The following DIP2A variants were observed in gnomAD, a reference collection of about 807,000 sequenced individuals.
The protein encoded by DIP2A is disco-interacting protein 2 homolog A.
A neutral mutation model predicts 177.4 loss-of-function variants in DIP2A; 85 were observed. That is an observed-to-expected ratio of 0.48 (90% CI 0.40 to 0.57). The LOEUF (loss-of-function observed/expected upper bound fraction) is 0.57. Among genes scored for constraint, DIP2A ranks in the 20% least tolerant of loss-of-function variants. The pLI is 0.00. For synonymous variants in DIP2A, 886 were observed against 881.8 expected, an observed-to-expected ratio of 1.00 and a Z score of -0.08; for missense variants, 1,791 against 2,100.2, an observed-to-expected ratio of 0.85 and a Z score of 2.88.
At chr21:46,571,300 C>G (rs1356277275), downstream of DIP2A, among the ~76,000 whole-genome samples, 4 of 152,186 alleles carry the variant, frequency 2.6e-5, no homozygotes, top group East Asian at 5.8e-4. Context: ...TTCCACAAAA[C>G]CAGTCGCTGG....
rs758585363 is a variant in DIP2A at position 46,534,098 on chromosome 21, G to A, written c.1524G>A (p.Gly508=). ...WHPLAQDTGT[G]TAYIEYKTSK... is the part of the protein sequence containing the mutation. ...CTCTGGCCCAGGACACAGGGACTGG[G>A]ACTGCCTACATTGAGGTAATGACTG... The change falls in exon 12 of 38, where the codon GGG becomes GGA. Residue 508 remains glycine (G), a synonymous_variant. Coordinates refer to ENST00000417564, the MANE Select transcript of DIP2A (RefSeq NM_015151.4). 1.2e-6 allele frequency: 2 copies of A among 1,613,594 alleles called. No individual in the cohort carries two copies. The highest frequency in any genetic ancestry group is 1.1e-5 in the South Asian group (1 of 91,030).
At position 46,498,634 on chromosome 21, in the gene DIP2A, C is replaced by G. The variant is rs947746346; in HGVS notation, c.456C>G (p.Leu152=). ...DEGSLRRPGR[L]TSTPLQSHSS... is the part of the protein sequence containing the mutation. ...GCTCTTTACGGCGACCCGGGCGACT[C>G]ACCTCCACTCCGCTCCAGAGCCATT... Residue 152 remains leucine, a synonymous_variant, in exon 5 of 38, where the codon CTC becomes CTG. Transcript: ENST00000417564. This position sits in a 1 kb window ranked among gnomAD's most constrained non-coding sequence, Gnocchi z 4.3. 1 of 1,613,430 alleles carries G rather than the reference C, an allele frequency of 6.2e-7. No individual in the cohort carries two copies. Among genetic ancestry groups the G allele is most frequent in the Admixed American group, 1.7e-5 (1 of 60,010 alleles).
rs190412233 is a variant in DIP2A, at chr21:46,547,016, G to A, written c.2496G>A (p.Glu832=). 1.9e-5 allele frequency: 30 copies of A among 1,613,988 alleles called. No homozygotes were observed. Among genetic ancestry groups the A allele is most frequent in the South Asian group, 5.5e-5 (5 of 91,072 alleles). Residue 832 remains glutamate (E), a synonymous_variant, in exon 21 of 38, where the codon GAG becomes GAA. Transcript: ENST00000417564. ...DDVVATALAV[E]PMKFVYRGRI... is the part of the protein sequence containing the mutation. ...TTGTGGCCACCGCACTGGCCGTGGA[G>A]CCCATGAAGTTTGTCTACAGAGGCA...
intron 2 of DIP2A, 121 bp downstream of exon 2, chr21:46,484,949 T>C: frequency 4.6e-6 from 4 of 867,874 alleles, no homozygotes; most frequent in Non-Finnish European, 6.7e-6. Flanking sequence ...AACACTGGTA[T>C]ATGTTGATTA....
chr21:46,493,606 C>G (rs2057146060), intron 3 of DIP2A, among the ~76,000 whole-genome samples: 1 of 152,162 alleles, frequency 6.6e-6, no homozygotes, highest in South Asian at 2.1e-4. Context: ...GGTGTTACTA[C>G]TGAGTATTGT....
chr21:46,507,484 G>A (rs947572714), intron 6 of DIP2A, among the ~76,000 whole-genome samples: 6 of 152,008 alleles, frequency 3.9e-5, no homozygotes, highest in Non-Finnish European at 7.4e-5. Context: ...TTCCCACCAA[G>A]TTTCCTTGGC....
In DIP2A at chr21:46,563,081, GT is replaced by G. The variant is rs1423370262; in HGVS notation, c.4090-773del. ...GGTTTGTGTCCTGGAAAGAGCTCTG[GT>G]TTTGGGGCTCAGCTGGGACATGCAG... is the stretch of plus-strand genomic sequence containing the variant. On this transcript the variant is annotated intron_variant, in intron 34 of 37. Coordinates refer to ENST00000417564, the MANE Select transcript of DIP2A (RefSeq NM_015151.4). The surrounding 1 kb of genome is among the most constrained non-coding windows in gnomAD (Gnocchi z 4.3). 6.6e-5 allele frequency among the ~76,000 whole-genome samples: 10 copies of G among 152,142 alleles called. No homozygotes were observed. The highest frequency in any genetic ancestry group is 8.8e-5 in the Non-Finnish European group (6 of 68,028).
At chr21:46,518,917 T>C (rs1223488293) in intron 8 of DIP2A, among the ~76,000 whole-genome samples, 2 of 152,206 alleles carry the variant, frequency 1.3e-5, no homozygotes, top group African/African-American at 2.4e-5. Context: ...AATAAAAGAA[T>C]GGCTACTCCA....
chr21:46,498,554 A>G lies in DIP2A; in HGVS notation c.404-28A>G. ...CCTCCTCTTGACTCATCCCGATATC[A>G]TGCCTGTCATCGTTATTTTAACCAC... On this transcript the variant is annotated intron_variant, in intron 4 of 37. Coordinates refer to ENST00000417564, the MANE Select transcript of DIP2A (RefSeq NM_015151.4). The surrounding 1 kb of genome is among the most constrained non-coding windows in gnomAD (Gnocchi z 4.3). The G allele has an allele frequency of 2.5e-6, 4 of 1,582,642 alleles. No homozygotes were observed. The highest frequency in any genetic ancestry group is 2.6e-6 in the Non-Finnish European group (3 of 1,163,046).
intron 3 of DIP2A, among the ~76,000 whole-genome samples, chr21:46,494,129 C>T (rs942056578): frequency 2.0e-5 from 3 of 152,190 alleles, no homozygotes; most frequent in African/African-American, 7.2e-5. Flanking sequence ...TCCTTAATAG[C>T]AAATATTCAG....
In DIP2A at chr21:46,534,012, C is replaced by G. The variant is rs748324429; in HGVS notation, c.1438C>G (p.Pro480Ala). ...CTGTCTGTGTGTCACAGGTTGGCCC[C>G]CGCTCTCCTGGCTAGTGATTGATGG... is the stretch of plus-strand genomic sequence containing the variant. ...GEVAAFKGWP[P>A]LSWLVIDGKH... is the part of the protein sequence containing the mutation. The change falls in exon 12 of 38, where the codon CCG becomes GCG. Residue 480 changes from proline (P) to alanine (A), a missense_variant. Coordinates refer to ENST00000417564, the MANE Select transcript of DIP2A (RefSeq NM_015151.4). The G allele has an allele frequency of 2.5e-6, 4 of 1,613,050 alleles. No homozygotes were observed. Among genetic ancestry groups the G allele is most frequent in the Admixed American group, 1.7e-5 (1 of 59,934 alleles).
At chr21:46,463,732 G>A (rs1264959519) in intron 1 of DIP2A, among the ~76,000 whole-genome samples, 2 of 127,416 alleles carry the variant, frequency 1.6e-5, no homozygotes, top group Non-Finnish European at 3.4e-5. Context: ...ATTTTGAGAC[G>A]GAGTCTCACT....
rs1412023576 is a variant in DIP2A, at chr21:46,563,291, G to A, written c.4090-567G>A. 1.3e-5 allele frequency among the ~76,000 whole-genome samples: 2 copies of A among 152,224 alleles called. No individual in the cohort carries two copies. Among genetic ancestry groups the A allele is most frequent in the Non-Finnish European group, 2.9e-5 (2 of 68,030 alleles). Reference sequence around the variant, plus strand: ...TGAGGAAACTGAGGACACAGAACAAGCATCCAGGCCTTGTGCAGTCAGGTG... The same window carrying A: ...TGAGGAAACTGAGGACACAGAACAAACATCCAGGCCTTGTGCAGTCAGGTG... On this transcript the variant is annotated intron_variant, in intron 34 of 37. Transcript: ENST00000417564. This position sits in a 1 kb window ranked among gnomAD's most constrained non-coding sequence, Gnocchi z 4.3.
chr21:46,462,947 T>C (rs915849107), intron 1 of DIP2A: 2 of 151,756 alleles, frequency 1.3e-5, no homozygotes, highest in African/African-American at 2.4e-5. Context: ...TAGAATGCTA[T>C]GATTTATTTC....
chr21:46,506,730 T>TTCTG (rs2058012710), intron 6 of DIP2A, among the ~76,000 whole-genome samples: 1 of 74,122 alleles, frequency 1.3e-5, no homozygotes, highest in African/African-American at 3.8e-5. Flanking sequence ...TTGTTTTTCT[T>TTCTG]TCTTTCTTTC....
In DIP2A at chr21:46,498,856, C is replaced by T. The variant is rs1238811142; in HGVS notation, c.655+23C>T. 6.3e-7 allele frequency: 1 copy of T among 1,595,214 alleles called. No homozygotes were observed. Among genetic ancestry groups the T allele is most frequent in the Non-Finnish European group, 8.6e-7 (1 of 1,168,356 alleles). On this transcript the variant is annotated intron_variant, in intron 5 of 37. Coordinates refer to ENST00000417564, the MANE Select transcript of DIP2A (RefSeq NM_015151.4). The surrounding 1 kb of genome is among the most constrained non-coding windows in gnomAD (Gnocchi z 4.3). Reference sequence around the variant, plus strand: ...TAGGTCAGTAATAAGCTGCTGCGGCCCCTGTGCCAGCAGAGCGGGGTCAGG... The same window carrying T: ...TAGGTCAGTAATAAGCTGCTGCGGCTCCTGTGCCAGCAGAGCGGGGTCAGG...
chr21:46,488,144 T>G (rs955323535), intron 2 of DIP2A, among the ~76,000 whole-genome samples: 3 of 152,146 alleles, frequency 2.0e-5, no homozygotes, highest in African/African-American at 7.2e-5. Context: ...CAGAAGTGAT[T>G]TGAGAGGATA....
chr21:46,495,287 A>T (rs2057293616), intron 3 of DIP2A, among the ~76,000 whole-genome samples: 11 of 89,380 alleles, frequency 1.2e-4, no homozygotes, highest in African/African-American at 1.6e-4. Flanking sequence ...TCTGTTTTTG[A>T]GATGGAGTTT....
At chr21:46,502,014 A>C (rs141898933) in intron 5 of DIP2A, among the ~76,000 whole-genome samples, 11 of 152,252 alleles carry the variant, frequency 7.2e-5, no homozygotes, top group African/African-American at 2.7e-4. Context: ...TCAGCTTTCT[A>C]CAAACCTAGT....
Sources: gnomAD v4.1 joint callset for allele counts (sites outside exome capture counted in the v4.1 genomes callset) on GRCh38, gnomAD v4.1.1 for gene constraint, Gnocchi (gnomAD v3.1) non-coding constraint, MANE v1.5 for transcripts, NCBI Gene and HGNC (gene_info 2026-07-23, HGNC 2026-07-21) for gene names.